PCTP: variants seen among roughly 807,000 people sequenced by gnomAD.
PCTP encodes phosphatidylcholine transfer protein.
A neutral mutation model predicts 31.0 loss-of-function variants in PCTP; 27 were observed. That is an observed-to-expected ratio of 0.87 (90% CI 0.64 to 1.20). The LOEUF is 1.20. Among genes scored for constraint, PCTP ranks in the 50% most tolerant of loss-of-function variants. PCTP has a pLI of 0.00. For missense variants in PCTP, 287 were observed against 268.2 expected, an observed-to-expected ratio of 1.07 and a Z score of -0.49; for synonymous variants, 108 against 101.2, an observed-to-expected ratio of 1.07 and a Z score of -0.40.
At chr17:55,774,725 C>T (rs1319382224) in intron 4 of PCTP, 67 bp from the exon 5 acceptor site, 3 of 1,266,150 alleles carry the variant, frequency 2.4e-6, no homozygotes, top group East Asian at 4.7e-5. Context: ...AAAGTTTGCA[C>T]AGTTTTGTTG....
Position 55,776,920 on chromosome 17 carries a change from A to G in PCTP, c.*820A>G. 1.0e-6 allele frequency: 1 copy of G among 989,004 alleles called. No individual in the cohort carries two copies. Among genetic ancestry groups the G allele is most frequent in the Non-Finnish European group, 1.2e-6 (1 of 832,476 alleles). The allele number at this position is 989,004 out of a possible 1,614,324, so 61.3% of individuals were successfully genotyped here. ...AGGCGTCAAGATGGCTGTGGCAGCT[A>G]GCAAAAGCAAAGATGCTTTGTGCAT... is the stretch of plus-strand genomic sequence containing the variant. On this transcript the variant is annotated 3_prime_UTR_variant, in exon 6 of 6. Coordinates refer to ENST00000268896, the MANE Select transcript of PCTP (RefSeq NM_021213.4).
At chr17:55,756,604 A>G (rs1057007822) in intron 1 of PCTP, among the ~76,000 whole-genome samples, 23 of 152,134 alleles carry the variant, frequency 1.5e-4, no homozygotes, top group African/African-American at 5.6e-4. Flanking sequence ...TCCTTTTGAG[A>G]GGCTCCCCCT....
intron 2 of PCTP, 138 bp from the exon 3 acceptor site, chr17:55,770,968 A>C: frequency 1.6e-6 from 1 of 638,874 alleles, no homozygotes; most frequent in Non-Finnish European, 2.8e-6. Context: ...CCTGGACTTG[A>C]GCAATTGACT....
chr17:55,841,705 C>T (rs188830118), intron 5 of PCTP, among the ~76,000 whole-genome samples: 3 of 152,282 alleles, frequency 2.0e-5, no homozygotes, highest in Admixed American at 2.0e-4. Context: ...TCCTGCATTT[C>T]CTGGAAGAAT....
At chr17:55,827,402 A>T (rs1905435027), downstream of PCTP, among the ~76,000 whole-genome samples, 1 of 152,254 alleles carries the variant, frequency 6.6e-6, no homozygotes, top group Admixed American at 6.5e-5. Flanking sequence ...TGACCACTGA[A>T]GCATAAGTAA....
chr17:55,802,243 A>C (rs939867743), intron 3 of PCTP, among the ~76,000 whole-genome samples: 3 of 152,200 alleles, frequency 2.0e-5, no homozygotes, highest in Non-Finnish European at 4.4e-5. Flanking sequence ...CAACCAAAAA[A>C]AGCTCAGGAC....
At chr17:55,792,824 A>T (rs534183295) in intron 3 of PCTP, among the ~76,000 whole-genome samples, 25 of 152,282 alleles carry the variant, frequency 1.6e-4, no homozygotes, top group Middle Eastern at 6.8e-3. Context: ...TCAGAGCTTT[A>T]TGTATGGATC....
At chr17:55,751,566 G>A (rs1302431343) in intron 1 of PCTP, 3 of 1,369,208 alleles carry the variant, frequency 2.2e-6, no homozygotes. Context: ...CGTCTGCAAG[G>A]GACGTTGATC....
At chr17:55,794,602 G>C (rs1354255387) in intron 3 of PCTP, among the ~76,000 whole-genome samples, 5 of 151,980 alleles carry the variant, frequency 3.3e-5, no homozygotes, top group Non-Finnish European at 7.4e-5. Flanking sequence ...AATTATAAAA[G>C]AAGCTGACAG....
intron 2 of PCTP, chr17:55,770,063 G>T (rs527749054): frequency 6.6e-6 from 1 of 152,250 alleles, no homozygotes; most frequent in Admixed American, 6.5e-5. Context: ...AGGGACTTTG[G>T]GCTCCTTTAA....
chr17:55,774,209 C>A (rs1005565098), intron 4 of PCTP, among the ~76,000 whole-genome samples: 2 of 152,184 alleles, frequency 1.3e-5, no homozygotes, highest in Admixed American at 1.3e-4. Context: ...CCTGTGGATA[C>A]ATACGCTGGG....
intron 3 of PCTP, among the ~76,000 whole-genome samples, chr17:55,820,389 C>A (rs1355992747): frequency 6.6e-6 from 1 of 152,118 alleles, no homozygotes; most frequent in East Asian, 1.9e-4. Context: ...AAGGCACTAG[C>A]AAATCTAGGG....
At chr17:55,803,899 A>AAAAAAC (rs1013592178) in intron 3 of PCTP, among the ~76,000 whole-genome samples, 5 of 152,024 alleles carry the variant, frequency 3.3e-5, no homozygotes, top group African/African-American at 1.2e-4. Flanking sequence ...GAGCAAAAAA[A>AAAAAAC]AAAAAACCAG....
intron 3 of PCTP, among the ~76,000 whole-genome samples, chr17:55,812,667 C>T (rs1049446279): frequency 2.0e-5 from 3 of 152,218 alleles, no homozygotes; most frequent in African/African-American, 7.2e-5. Context: ...GACTTAGGAA[C>T]GTTACACTCA....
chr17:55,798,852 A>C (rs1912273125), intron 3 of PCTP, among the ~76,000 whole-genome samples: 2 of 151,990 alleles, frequency 1.3e-5, no homozygotes, highest in South Asian at 4.1e-4. Flanking sequence ...GACTGTATAA[A>C]ACAACAACAG....
Position 55,774,802 on chromosome 17 carries a change from T to C in PCTP, c.522T>C (p.Tyr174=), listed in dbSNP as rs777387770. 2 of 1,584,872 alleles carry C rather than the reference T, an allele frequency of 1.3e-6. No homozygotes were observed. Among genetic ancestry groups the C allele is most frequent in the African/African-American group, 1.4e-5 (1 of 73,514 alleles). Residue 174 remains tyrosine (Y), a synonymous_variant, in exon 5 of 6, where the codon TAT becomes TAC. Transcript: ENST00000268896. ...DGKKGSKVFM[Y]YFDNPGGQIP... is the part of the protein sequence containing the mutation. ...TCTTTCCCTCTCTAGTTTTCATGTA[T>C]TACTTCGATAACCCGGGTGGCCAAA... is the stretch of plus-strand genomic sequence containing the variant.
intron 3 of PCTP, among the ~76,000 whole-genome samples, chr17:55,795,275 C>CA (rs1467826161): frequency 1.6e-4 from 25 of 152,044 alleles, no homozygotes; most frequent in African/African-American, 6.0e-4. Context: ...ATTGTAACTT[C>CA]ACGTAGTCTG....
At chr17:55,781,168 C>A (rs1911551707), downstream of PCTP, among the ~76,000 whole-genome samples, 2 of 152,220 alleles carry the variant, frequency 1.3e-5, no homozygotes, top group Non-Finnish European at 2.9e-5. Flanking sequence ...AAGTGATCTG[C>A]AAATTTCTGA....
In PCTP at chr17:55,776,286, C is replaced by CGACCACCGAG; in HGVS notation, c.*186_*187insGACCACCGAG. 8 of 1,369,634 alleles carry CGACCACCGAG rather than the reference C, an allele frequency of 5.8e-6. No individual in the cohort carries two copies. The highest frequency in any genetic ancestry group is 3.8e-5 in the South Asian group (2 of 52,836). The allele number at this position is 1,369,634 out of a possible 1,614,324, so 84.8% of individuals were successfully genotyped here. A position where few individuals can be genotyped will look rare whatever the true frequency, so the allele number is the denominator to read the frequency against. ...TACACACTACCACATCCTTTCTAAGCATGTTTGCCTGACATCCAGCTCACT... is the reference window on the plus strand; with the variant it reads ...TACACACTACCACATCCTTTCTAAGCGACCACCGAGATGTTTGCCTGACATCCAGCTCACT... On this transcript the variant is annotated 3_prime_UTR_variant, in exon 6 of 6. Transcript: ENST00000268896.
Sources: allele counts gnomAD v4.1 joint callset (sites outside exome capture counted in the v4.1 genomes callset), GRCh38; gene constraint gnomAD v4.1.1; transcripts MANE v1.5; gene names NCBI Gene and HGNC (gene_info 2026-07-23, HGNC 2026-07-21).